SEZ6L: variants seen among roughly 807,000 people sequenced by gnomAD.
SEZ6L encodes the protein seizure related 6 homolog like.
A neutral mutation model predicts 106.2 loss-of-function variants in SEZ6L; 37 were observed. The observed-to-expected ratio is 0.35, with a 90% CI of 0.27 to 0.46. The LOEUF (loss-of-function observed/expected upper bound fraction) is 0.46, where lower values mean the gene tolerates loss of function less well. SEZ6L is among the 20% of genes least tolerant of loss of function. The pLI, the probability that SEZ6L is intolerant of heterozygous loss-of-function variation, is 1.00. For missense variants in SEZ6L, 1,172 were observed against 1,332.8 expected, an observed-to-expected ratio of 0.88 and a Z score of 1.88; for synonymous variants, 541 against 570.4, an observed-to-expected ratio of 0.95 and a Z score of 0.73.
intron 1 of SEZ6L, among the ~76,000 whole-genome samples, chr22:26,225,151 C>A (rs922081521): frequency 6.6e-6 from 1 of 152,202 alleles, no homozygotes; most frequent in Non-Finnish European, 1.5e-5. Flanking sequence ...GAGAACACTC[C>A]AATTTCTCCC....
At position 26,311,916 on chromosome 22, in the gene SEZ6L, C is replaced by T; in HGVS notation, c.1830C>T (p.Ile610=). The T allele has an allele frequency of 6.2e-7, 1 of 1,614,178 alleles. No homozygotes were observed. Among genetic ancestry groups the T allele is most frequent in the South Asian group, 1.1e-5 (1 of 91,080 alleles). Residue 610 remains isoleucine, a synonymous_variant, in exon 8 of 17, where the codon ATC becomes ATT. Transcript: ENST00000248933. ...AGGGCCCGGCCATCATCGAATGCAT[C>T]AATGTGCGGGACCCATACTGGAATG... ...LEQGPAIIEC[I]NVRDPYWNDT...
rs2081317066 is a variant in SEZ6L at position 26,296,895 on chromosome 22, G to A, written c.977G>A (p.Ser326Asn). The A allele has an allele frequency of 6.2e-7, 1 of 1,606,174 alleles. No individual in the cohort carries two copies. Among genetic ancestry groups the A allele is most frequent in the Non-Finnish European group, 8.5e-7 (1 of 1,175,478 alleles). ...GCTTCTGCCTGTTCCCAGGTGAAGA[G>A]TGTGAACCTGTCCGATGGGGAACTG... The part of the protein sequence containing the change: ...TGYGVELQVK[S>N]VNLSDGELLS... Residue 326 changes from serine to asparagine, a missense_variant, in exon 4 of 17, where the codon AGT (serine) becomes AAT (asparagine). This residue lies in a region of SEZ6L where 494 missense variants were observed against 445.8 expected (regional missense o/e 1.11). Coordinates refer to ENST00000248933, the MANE Select transcript of SEZ6L (RefSeq NM_021115.5).
At chr22:26,368,841 G>A (rs367790909) in intron 13 of SEZ6L, among the ~76,000 whole-genome samples, 1 of 152,060 alleles carries the variant, frequency 6.6e-6, no homozygotes, top group South Asian at 2.1e-4. Context: ...AGATGTGGAA[G>A]GAGAAGCTCA....
At chr22:26,183,995 T>C (rs932014119) in intron 1 of SEZ6L, among the ~76,000 whole-genome samples, 5 of 152,188 alleles carry the variant, frequency 3.3e-5, no homozygotes, top group African/African-American at 4.8e-5. Flanking sequence ...CCTAGTACTA[T>C]GGAAAATTAC....
intron 1 of SEZ6L, among the ~76,000 whole-genome samples, chr22:26,198,998 A>G (rs1326975978): frequency 6.6e-6 from 1 of 152,250 alleles, no homozygotes; most frequent in Non-Finnish European, 1.5e-5. Context: ...AGACAACTGG[A>G]TAAGCAGAGT....
rs542897713 is a variant in SEZ6L at position 26,271,588 on chromosome 22, G to A, written c.95-20818G>A. On this transcript the variant is annotated intron_variant, in intron 1 of 16. Coordinates refer to ENST00000248933, the MANE Select transcript of SEZ6L (RefSeq NM_021115.5). Reference sequence around the variant, plus strand: ...TGATGAATGAGTTCTCACTCAGTCAGTTCCTGTGAGATCTGGTTGTTTACA... The same window carrying A: ...TGATGAATGAGTTCTCACTCAGTCAATTCCTGTGAGATCTGGTTGTTTACA... Among the ~76,000 whole-genome samples, 18 of 152,310 alleles carry A rather than the reference G, an allele frequency of 1.2e-4. 1 individual carries two copies. Among genetic ancestry groups the A allele is most frequent in the Admixed American group, 1.2e-3 (18 of 15,302 alleles).
At chr22:26,173,699 C>T (rs1369381642) in intron 1 of SEZ6L, among the ~76,000 whole-genome samples, 1 of 152,172 alleles carries the variant, frequency 6.6e-6, no homozygotes, top group African/African-American at 2.4e-5. Flanking sequence ...ATTTATTTCT[C>T]ACATTTCTGG....
At chr22:26,169,900 G>A (rs1023068438) in intron 1 of SEZ6L, 137 bp downstream of exon 1, 2 of 402,920 alleles carry the variant, frequency 5.0e-6, no homozygotes, top group Non-Finnish European at 4.3e-6. Flanking sequence ...CAAAATCGGG[G>A]CTAGGAACCG....
Position 26,340,284 on chromosome 22 carries a change from A to G in SEZ6L, c.2016-152A>G, listed in dbSNP as rs1487427132. On this transcript the variant is annotated intron_variant, in intron 9 of 16. Transcript: ENST00000248933. Reference sequence around the variant, plus strand: ...TGTGTCACATTTGCAGTCTATGTCAATCTTACCCTCAGCTTGGGGTTAAGA... The same window carrying G: ...TGTGTCACATTTGCAGTCTATGTCAGTCTTACCCTCAGCTTGGGGTTAAGA... 10 of 688,220 alleles carry G rather than the reference A, an allele frequency of 1.5e-5. No individual in the cohort carries two copies. In the South Asian group the frequency reaches 2.0e-4, roughly 14 times the overall value. The allele number at this position is 688,220 out of a possible 1,614,324, so 42.6% of individuals were successfully genotyped here.
At chr22:26,206,769 C>T (rs1941292480) in intron 1 of SEZ6L, among the ~76,000 whole-genome samples, 2 of 152,166 alleles carry the variant, frequency 1.3e-5, no homozygotes, top group East Asian at 1.9e-4. Context: ...TGTCACATAA[C>T]CTAGAGAAAC....
At chr22:26,277,290 A>G (rs2080580820) in intron 1 of SEZ6L, among the ~76,000 whole-genome samples, 1 of 152,044 alleles carries the variant, frequency 6.6e-6, no homozygotes, top group Non-Finnish European at 1.5e-5. Flanking sequence ...TGCCTGCACA[A>G]GCTTTCCCAC....
chr22:26,261,151 A>G (rs1376989944), intron 1 of SEZ6L, among the ~76,000 whole-genome samples: 3 of 152,204 alleles, frequency 2.0e-5, no homozygotes, highest in Non-Finnish European at 4.4e-5. Context: ...TTGGACGTAT[A>G]GAGTGTGAAG....
rs903551563 is a variant in SEZ6L at position 26,292,497 on chromosome 22, T to A, written c.186T>A (p.Pro62=). The change falls in exon 2 of 17, where the codon CCT becomes CCA. Residue 62 remains proline (P), a synonymous_variant. Coordinates refer to ENST00000248933, the MANE Select transcript of SEZ6L (RefSeq NM_021115.5). ...PERGSPGKEH[P]EERVVTAPPS... is the part of the protein sequence containing the mutation. ...GAGGCAGTCCTGGCAAAGAGCACCC[T>A]GAAGAGAGAGTGGTAACAGCGCCCC... 1.9e-6 allele frequency: 3 copies of A among 1,613,880 alleles called. No individual in the cohort carries two copies. The highest frequency in any genetic ancestry group is 2.5e-6 in the Non-Finnish European group (3 of 1,179,916).
intron 1 of SEZ6L, among the ~76,000 whole-genome samples, chr22:26,247,127 T>A (rs5761441): frequency 0.15 from 22,568 of 152,146 alleles, 1,849 homozygotes; most frequent in Middle Eastern, 0.23. Context: ...TGCCTGGCTG[T>A]GTTCTTTTTG....
intron 1 of SEZ6L, among the ~76,000 whole-genome samples, chr22:26,243,282 G>A (rs2079200861): frequency 6.6e-6 from 1 of 152,152 alleles, no homozygotes; most frequent in Non-Finnish European, 1.5e-5. Context: ...AGGATATCAA[G>A]GATAAACAAA....
At chr22:26,292,119 A>C in intron 1 of SEZ6L, 1 of 340,108 alleles carries the variant, frequency 2.9e-6, no homozygotes, top group East Asian at 4.7e-5. Flanking sequence ...GGGGAAAGGA[A>C]GGAGGGAGGG....
At chr22:26,317,283 T>TC (rs1173467499) in intron 9 of SEZ6L, among the ~76,000 whole-genome samples, 1 of 151,854 alleles carries the variant, frequency 6.6e-6, no homozygotes, top group African/African-American at 2.4e-5. Context: ...ATGAATTCCT[T>TC]CCCCCAGAAG....
chr22:26,328,054 T>C (rs1188121254), intron 9 of SEZ6L, among the ~76,000 whole-genome samples: 1 of 152,170 alleles, frequency 6.6e-6, no homozygotes, highest in East Asian at 1.9e-4. Flanking sequence ...ATGGGGAAAG[T>C]GTGTGGGTCC....
In SEZ6L at chr22:26,382,760, G is replaced by A. The variant is rs1010880397; in HGVS notation, c.*2465G>A. 6.6e-6 allele frequency: 1 copy of A among 152,082 alleles called. No homozygotes were observed. The highest frequency in any genetic ancestry group is 2.4e-5 in the African/African-American group (1 of 41,402). The allele number at this position is 152,082 out of a possible 1,614,324, so 9.4% of individuals were successfully genotyped here. On this transcript the variant is annotated 3_prime_UTR_variant, in exon 17 of 17. Transcript: ENST00000248933. ...GGTAAAAAAAAATAGTGCCAAAAAT[G>A]TGCAAGGCATCTCATTACAGCTCAT... is the stretch of plus-strand genomic sequence containing the variant.
Sources: gnomAD v4.1 joint callset for allele counts (sites outside exome capture counted in the v4.1 genomes callset) on GRCh38, gnomAD v4.1.1 for gene constraint, gnomAD v4.1.1 regional missense constraint, MANE v1.5 for transcripts, NCBI Gene and HGNC (gene_info 2026-07-23, HGNC 2026-07-21) for gene names.